The following KIAA0319 variants were observed in gnomAD, a reference collection of about 807,000 sequenced individuals.
The protein encoded by KIAA0319 is dyslexia-associated protein KIAA0319.
Under a neutral mutation model 108.4 loss-of-function variants are expected in KIAA0319, and 83 were observed. That is an observed-to-expected ratio of 0.77 (90% CI 0.64 to 0.92). The LOEUF (loss-of-function observed/expected upper bound fraction) is 0.92. Among genes scored for constraint, KIAA0319 ranks in the 40% least tolerant of loss-of-function variants. The pLI, the probability that KIAA0319 is intolerant of heterozygous loss-of-function variation, is 0.00. For missense variants in KIAA0319, 1,195 were observed against 1,322.4 expected (o/e 0.90, Z 1.49); for synonymous variants, 484 against 510.4 (o/e 0.95, Z 0.70).
At chr6:24,615,595 A>G (rs1773043929) in intron 1 of KIAA0319, among the ~76,000 whole-genome samples, 1 of 152,178 alleles carries the variant, frequency 6.6e-6, no homozygotes, top group African/African-American at 2.4e-5. Flanking sequence ...CCCTATAAAT[A>G]TTTTAAGTTA....
intron 1 of KIAA0319, among the ~76,000 whole-genome samples, chr6:24,615,614 T>A (rs536125248): frequency 6.6e-6 from 1 of 152,198 alleles, no homozygotes; most frequent in African/African-American, 2.4e-5. Context: ...TAATCACTTT[T>A]AAAGGCAAAC....
intron 9 of KIAA0319, 106 bp from the exon 10 acceptor site, chr6:24,576,702 T>C (rs74873334): frequency 1.1e-6 from 1 of 877,474 alleles, no homozygotes; most frequent in Non-Finnish European, 1.9e-6. Flanking sequence ...GGAGGATCGC[T>C]TGAGCCCAGG....
rs779244839 is a variant in KIAA0319, at chr6:24,583,659, A to G, written c.1038T>C (p.Thr346=). 4 of 1,613,804 alleles carry G rather than the reference A, an allele frequency of 2.5e-6. No individual in the cohort carries two copies. The South Asian group carries it at 3.3e-5, about 13-fold the overall frequency. The part of the protein sequence containing the change: ...TVSAGDNLII[T]LPDNEVELKA... Reference sequence around the variant, plus strand: ...TCAGTTCAACTTCATTGTCGGGTAAAGTTATAATTAGGTTATCTCCAGCCG... The same window carrying G: ...TCAGTTCAACTTCATTGTCGGGTAAGGTTATAATTAGGTTATCTCCAGCCG... Residue 346 remains threonine (T), a synonymous_variant, in exon 5 of 21, where the codon ACT becomes ACC. Coordinates refer to ENST00000378214, the MANE Select transcript of KIAA0319 (RefSeq NM_014809.4).
rs1051078694 is a variant in KIAA0319, at chr6:24,578,405, C to T, written c.1373-163G>A. Among the ~76,000 whole-genome samples, 7 of 152,288 alleles carry T rather than the reference C, an allele frequency of 4.6e-5. No homozygotes were observed. The East Asian group carries it at 1.3e-3, about 29-fold the overall frequency. ...TATTAGAAGGAGATTCTTTCCTACT[C>T]CCGAAATTATATCACTATTTTTCTC... On this transcript the variant is annotated intron_variant, in intron 8 of 20. Coordinates refer to ENST00000378214, the MANE Select transcript of KIAA0319 (RefSeq NM_014809.4).
chr6:24,627,813 G>A (rs942940958), intron 1 of KIAA0319, among the ~76,000 whole-genome samples: 6 of 152,206 alleles, frequency 3.9e-5, no homozygotes, highest in African/African-American at 1.2e-4. Flanking sequence ...CTAATGAACT[G>A]TTAATTAATC....
chr6:24,609,553 G>C (rs902339130), intron 1 of KIAA0319, among the ~76,000 whole-genome samples: 1 of 152,042 alleles, frequency 6.6e-6, no homozygotes, highest in Non-Finnish European at 1.5e-5. Flanking sequence ...TCCAGCCTGG[G>C]CAACCAGAGC....
rs2127608420 is a variant in KIAA0319, at chr6:24,645,232, A to G, written c.-106+504T>C. On this transcript the variant is annotated intron_variant, in intron 1 of 20. Coordinates refer to ENST00000378214, the MANE Select transcript of KIAA0319 (RefSeq NM_014809.4). ...ATGTTTTGATGAACAAACCAGCAATAAAAGTGCACATGAGTATGTATATCA... is the reference window on the plus strand; with the variant it reads ...ATGTTTTGATGAACAAACCAGCAATGAAAGTGCACATGAGTATGTATATCA... 1.3e-5 allele frequency among the ~76,000 whole-genome samples: 2 copies of G among 152,356 alleles called. 1 individual carries two copies. Among genetic ancestry groups the G allele is most frequent in the South Asian group, 4.1e-4 (2 of 4,824 alleles).
At chr6:24,553,709 A>C (rs1365224435) in intron 19 of KIAA0319, among the ~76,000 whole-genome samples, 1 of 152,168 alleles carries the variant, frequency 6.6e-6, no homozygotes, top group African/African-American at 2.4e-5. Context: ...TGTTAGTATC[A>C]CATCATACCC....
In KIAA0319 at chr6:24,596,515, A is replaced by T; in HGVS notation, c.159T>A (p.Pro53=). Residue 53 remains proline, a synonymous_variant, in exon 3 of 21, where the codon CCT becomes CCA. Transcript: ENST00000378214. ...TRIMRVSHTF[P]VVDCTAACCD... ...AGCAAGCGGCCGTGCAGTCTACGAC[A>T]GGGAAGGTGTGAGACACCCGCATGA... 6.2e-7 allele frequency: 1 copy of T among 1,614,138 alleles called. No individual in the cohort carries two copies.
At chr6:24,558,609 C>T (rs1248257754) in intron 17 of KIAA0319, among the ~76,000 whole-genome samples, 2 of 152,152 alleles carry the variant, frequency 1.3e-5, no homozygotes, top group African/African-American at 4.8e-5. Flanking sequence ...AGAGGCACAC[C>T]TGGAGAAGGC....
intron 9 of KIAA0319, among the ~76,000 whole-genome samples, 187 bp from the exon 10 acceptor site, chr6:24,576,783 A>G (rs1349495015): frequency 1.3e-5 from 2 of 151,218 alleles, no homozygotes; most frequent in Non-Finnish European, 2.9e-5. Flanking sequence ...AAATTAGCCG[A>G]GTGTGGTCAT....
At chr6:24,553,298 C>T (rs62400519) in intron 19 of KIAA0319, among the ~76,000 whole-genome samples, 30,701 of 71,974 alleles carry the variant, frequency 0.43, 4,649 homozygotes, top group Non-Finnish European at 0.51. Flanking sequence ...TATATATACA[C>T]ACACACACAC....
chr6:24,599,297 C>G lies in KIAA0319; in HGVS notation c.55+1752G>C. 2.1e-6 allele frequency: 1 copy of G among 483,234 alleles called. No homozygotes were observed. The highest frequency in any genetic ancestry group is 3.8e-6 in the Non-Finnish European group (1 of 260,188). The allele number at this position is 483,234 out of a possible 1,614,324, so 29.9% of individuals were successfully genotyped here. A position where few individuals can be genotyped will look rare whatever the true frequency, so the allele number is the denominator to read the frequency against. Reference sequence around the variant, plus strand: ...TCTCTGAGATGAATCAGAACATCAGCCGGCTCCAGACTGAGACTGAGGGCC... The same window carrying G: ...TCTCTGAGATGAATCAGAACATCAGGCGGCTCCAGACTGAGACTGAGGGCC... On this transcript the variant is annotated intron_variant, in intron 2 of 20. Coordinates refer to ENST00000378214, the MANE Select transcript of KIAA0319 (RefSeq NM_014809.4). The surrounding 1 kb of genome is among the most constrained non-coding windows in gnomAD (Gnocchi z 4.1).
chr6:24,572,260 G>A (rs1308687722), intron 11 of KIAA0319, among the ~76,000 whole-genome samples: 2 of 152,120 alleles, frequency 1.3e-5, no homozygotes, highest in African/African-American at 4.8e-5. Flanking sequence ...GGCTACATCT[G>A]AGTGTCAAGC....
chr6:24,596,630 G>T lies in KIAA0319; in HGVS notation c.56-12C>A. The T allele has an allele frequency of 6.3e-7, 1 of 1,581,428 alleles. No homozygotes were observed. ...CTTACGGGCACAACCTTTAAACAAA[G>T]TAGTTTCTAATGAGGGAGAGAGGCA... On this transcript the variant is annotated splice_polypyrimidine_tract_variant and intron_variant, in intron 2 of 20. Transcript: ENST00000378214.
chr6:24,626,874 C>T (rs1774791534), intron 1 of KIAA0319, among the ~76,000 whole-genome samples: 1 of 152,092 alleles, frequency 6.6e-6, no homozygotes, highest in Non-Finnish European at 1.5e-5. Flanking sequence ...AAGAGAATTT[C>T]CAGAAGCTAG....
chr6:24,566,514 C>T (rs543458944), intron 14 of KIAA0319, 83 bp downstream of exon 14: 139 of 1,209,460 alleles, frequency 1.1e-4, no homozygotes, highest in Non-Finnish European at 1.4e-4. Context: ...TAGAATATAC[C>T]GTGATATATT....
At chr6:24,590,779 T>A (rs1768353304) in intron 3 of KIAA0319, among the ~76,000 whole-genome samples, 3 of 152,160 alleles carry the variant, frequency 2.0e-5, no homozygotes, top group Admixed American at 2.0e-4. Flanking sequence ...CCATGCTGCC[T>A]CTCCAGGCTG....
rs1764521286 is a variant in KIAA0319, at chr6:24,570,300, C to T, written c.1859-265G>A. Among the ~76,000 whole-genome samples, 3 of 152,216 alleles carry T rather than the reference C, an allele frequency of 2.0e-5. No homozygotes were observed. The South Asian group carries it at 6.2e-4, about 32-fold the overall frequency. ...CTTTGGTTTATTTGGTTTAAAAGAT[C>T]CTCAGTCGGCCGGGCACAGTGGCTC... On this transcript the variant is annotated intron_variant, in intron 11 of 20. Transcript: ENST00000378214.
Sources: gnomAD v4.1 joint callset for allele counts (sites outside exome capture counted in the v4.1 genomes callset) on GRCh38, gnomAD v4.1.1 for gene constraint, Gnocchi (gnomAD v3.1) non-coding constraint, MANE v1.5 for transcripts, NCBI Gene and HGNC (gene_info 2026-07-23, HGNC 2026-07-21) for gene names.